PCDHGB5: variants seen among roughly 807,000 people sequenced by gnomAD.
PCDHGB5 encodes protocadherin gamma subfamily B, 5.
A neutral mutation model predicts 62.9 loss-of-function variants in PCDHGB5; 48 were observed. The ratio of observed to expected loss-of-function variants is 0.76; its 90% CI spans 0.61 to 0.97. The LOEUF (loss-of-function observed/expected upper bound fraction) is 0.97, where lower values mean the gene tolerates loss of function less well. Among genes scored for constraint, PCDHGB5 ranks in the 50% least tolerant of loss-of-function variants. PCDHGB5 has a pLI of 0.00. For missense variants in PCDHGB5, 1,118 were observed against 1,198.6 expected (o/e 0.93, Z 0.99); for synonymous variants, 474 against 511.2 (o/e 0.93, Z 0.98).
At position 141,431,017 on chromosome 5, in the gene PCDHGB5, G is replaced by A. The variant is rs768036730; in HGVS notation, c.2397+30493G>A. 2.5e-6 allele frequency: 4 copies of A among 1,613,768 alleles called. No homozygotes were observed. Among genetic ancestry groups the A allele is most frequent in the South Asian group, 1.1e-5 (1 of 91,084 alleles). ...ATCCGCGCAGCGGCAGCTTGGTCAC[G>A]GCGGGCAGGATAGACCGGGAGGAGC... On this transcript the variant is annotated intron_variant, in intron 1 of 3. Transcript: ENST00000617380. This position sits in a 1 kb window ranked among gnomAD's most constrained non-coding sequence, Gnocchi z 4.8.
chr5:141,417,230 T>C (rs2096097492), intron 1 of PCDHGB5: 1 of 152,210 alleles, frequency 6.6e-6, no homozygotes, highest in Non-Finnish European at 1.5e-5. Context: ...AAAAAATTTG[T>C]TGCTTATCTT....
intron 2 of PCDHGB5, among the ~76,000 whole-genome samples, chr5:141,500,775 T>C (rs1251282826): frequency 6.6e-6 from 1 of 152,218 alleles, no homozygotes; most frequent in Non-Finnish European, 1.5e-5. Context: ...CTTATGAATA[T>C]ACATATTATT....
At chr5:141,473,039 A>G (rs1593411714) in intron 1 of PCDHGB5, among the ~76,000 whole-genome samples, 1 of 152,016 alleles carries the variant, frequency 6.6e-6, no homozygotes, top group East Asian at 1.9e-4. Context: ...GGAAGGAAAG[A>G]AAGAAAGAAG....
chr5:141,502,634 T>C (rs1306951640), intron 2 of PCDHGB5, among the ~76,000 whole-genome samples: 1 of 152,228 alleles, frequency 6.6e-6, no homozygotes. Flanking sequence ...CTGTGGATGA[T>C]ACTTTGAGAT....
At position 141,404,735 on chromosome 5, in the gene PCDHGB5, G is replaced by A. The variant is rs2094561317; in HGVS notation, c.2397+4211G>A. The stretch of plus-strand genomic sequence containing the variant: ...CCTGGTGACCAAGGTGGTGGCAGTG[G>A]ACAGAGACTCAGGCCAGAATGCTTG... On this transcript the variant is annotated intron_variant, in intron 1 of 3. Transcript: ENST00000617380. 6.2e-7 allele frequency: 1 copy of A among 1,614,014 alleles called. No homozygotes were observed. The highest frequency in any genetic ancestry group is 8.5e-7 in the Non-Finnish European group (1 of 1,180,032).
chr5:141,489,636 C>T lies in PCDHGB5; in HGVS notation c.2398-5171C>T. On this transcript the variant is annotated intron_variant, in intron 1 of 3. Coordinates refer to ENST00000617380, the MANE Select transcript of PCDHGB5 (RefSeq NM_018925.3). The surrounding 1 kb of genome is among the most constrained non-coding windows in gnomAD (Gnocchi z 4.5). ...TGGATCTCAATGACAACTCTCCTAG[C>T]TTTGCCACCCCTGAGCGAGAGATGC... 1.2e-6 allele frequency: 2 copies of T among 1,614,190 alleles called. No homozygotes were observed. The highest frequency in any genetic ancestry group is 1.7e-6 in the Non-Finnish European group (2 of 1,180,030).
chr5:141,450,826 A>ATTTT (rs764729742), intron 1 of PCDHGB5, among the ~76,000 whole-genome samples: 5 of 134,360 alleles, frequency 3.7e-5, no homozygotes, highest in East Asian at 2.1e-4. Flanking sequence ...TATTATTATT[A>ATTTT]TTATTTTTTT....
At position 141,432,673 on chromosome 5, in the gene PCDHGB5, C is replaced by A. The variant is rs770930842; in HGVS notation, c.2397+32149C>A. 5 of 1,613,922 alleles carry A rather than the reference C, an allele frequency of 3.1e-6. No homozygotes were observed. Among genetic ancestry groups the A allele is most frequent in the Non-Finnish European group, 4.2e-6 (5 of 1,179,960 alleles). On this transcript the variant is annotated intron_variant, in intron 1 of 3. Coordinates refer to ENST00000617380, the MANE Select transcript of PCDHGB5 (RefSeq NM_018925.3). This position sits in a 1 kb window ranked among gnomAD's most constrained non-coding sequence, Gnocchi z 6.0. ...GAGCCCTGCTGGACAGAGACGCGCTCAAGCAGAGCCTCGTAGTGGCCGTCC... is the reference window on the plus strand; with the variant it reads ...GAGCCCTGCTGGACAGAGACGCGCTAAAGCAGAGCCTCGTAGTGGCCGTCC...
In PCDHGB5 at chr5:141,486,705, A is replaced by T. The variant is rs2099633722; in HGVS notation, c.2398-8102A>T. On this transcript the variant is annotated intron_variant, in intron 1 of 3. Transcript: ENST00000617380. This position sits in a 1 kb window ranked among gnomAD's most constrained non-coding sequence, Gnocchi z 5.0. ...TCAGCTTCCTCTTTCATCTCTCTGA[A>T]CCCCCAGACAGGAGCTGTTCATGCT... The T allele has an allele frequency of 6.2e-7, 1 of 1,613,844 alleles. No individual in the cohort carries two copies. The highest frequency in any genetic ancestry group is 1.3e-5 in the African/African-American group (1 of 74,910).
chr5:141,458,350 A>C (rs1259508706), intron 1 of PCDHGB5, among the ~76,000 whole-genome samples: 1 of 152,162 alleles, frequency 6.6e-6, no homozygotes, highest in East Asian at 1.9e-4. Flanking sequence ...GGAGAGTTTA[A>C]TAAGCAAGAA....
At position 141,404,694 on chromosome 5, in the gene PCDHGB5, C is replaced by T. The variant is rs749803871; in HGVS notation, c.2397+4170C>T. 10 of 1,614,116 alleles carry T rather than the reference C, an allele frequency of 6.2e-6. No homozygotes were observed. The East Asian group carries it at 2.0e-4, about 32-fold the overall frequency. ...ACTGGTGTGGAGCTGGCACCCCGCT[C>T]TGCAGAGCCTGGCTACCTGGTGACC... On this transcript the variant is annotated intron_variant, in intron 1 of 3. Coordinates refer to ENST00000617380, the MANE Select transcript of PCDHGB5 (RefSeq NM_018925.3).
At chr5:141,445,553 A>G (rs948468877) in intron 1 of PCDHGB5, among the ~76,000 whole-genome samples, 1 of 152,252 alleles carries the variant, frequency 6.6e-6, no homozygotes, top group Non-Finnish European at 1.5e-5. Context: ...ATACAAAAGC[A>G]CTAAGAGAAA....
intron 1 of PCDHGB5, chr5:141,478,018 C>G: frequency 6.2e-7 from 1 of 1,614,124 alleles, no homozygotes; most frequent in Non-Finnish European, 8.5e-7. Flanking sequence ...CCCGTCCAGT[C>G]CAAGACACAG....
chr5:141,401,761 A>T (rs2094191513), intron 1 of PCDHGB5, among the ~76,000 whole-genome samples: 1 of 152,210 alleles, frequency 6.6e-6, no homozygotes, highest in African/African-American at 2.4e-5. Flanking sequence ...ATTACATGGT[A>T]TAAGTCTTTT....
intron 1 of PCDHGB5, chr5:141,422,889 G>A (rs62378455): frequency 0.035 from 55,863 of 1,614,202 alleles, 1,109 homozygotes; most frequent in Middle Eastern, 0.098. Context: ...TGTTCGTGCT[G>A]GACCAGAACG....
chr5:141,451,001 A>G (rs909477017), intron 1 of PCDHGB5, among the ~76,000 whole-genome samples: 1 of 148,266 alleles, frequency 6.7e-6, no homozygotes, highest in African/African-American at 2.5e-5. Context: ...ATTTTTTTGT[A>G]TTTTTTTTAG....
chr5:141,478,418 C>A, intron 1 of PCDHGB5: 1 of 1,613,650 alleles, frequency 6.2e-7, no homozygotes, highest in Non-Finnish European at 8.5e-7. Context: ...GGACTCCCGC[C>A]GCAGCGACCC....
Position 141,504,006 on chromosome 5 carries a change from G to C in PCDHGB5, c.2457-1387G>C, listed in dbSNP as rs138738950. Among the ~76,000 whole-genome samples, 1,431 of 152,182 alleles carry C rather than the reference G, an allele frequency of 9.4e-3. 31 individuals are homozygous for C. The highest frequency in any genetic ancestry group is 0.033 in the African/African-American group (1,367 of 41,490). On this transcript the variant is annotated intron_variant, in intron 2 of 3. Coordinates refer to ENST00000617380, the MANE Select transcript of PCDHGB5 (RefSeq NM_018925.3). The stretch of plus-strand genomic sequence containing the variant: ...CTTCTTACCTTACAGTCACTTAACT[G>C]TCTCTGCTGGTCTCTTCCCACTCAT...
chr5:141,446,917 C>G (rs979679080), intron 1 of PCDHGB5, among the ~76,000 whole-genome samples: 1 of 152,108 alleles, frequency 6.6e-6, no homozygotes, highest in South Asian at 2.1e-4. Flanking sequence ...TTTTATTTAT[C>G]TTCCTGATCT....
Sources: allele counts gnomAD v4.1 joint callset (sites outside exome capture counted in the v4.1 genomes callset), GRCh38; gene constraint gnomAD v4.1.1; non-coding constraint Gnocchi (gnomAD v3.1); transcripts MANE v1.5; gene names NCBI Gene and HGNC (gene_info 2026-07-23, HGNC 2026-07-21).